TAOK3: variants seen among roughly 807,000 people sequenced by gnomAD.
TAOK3 encodes the protein TAO kinase 3.
TAOK3 carries 40 observed loss-of-function variants against 120.4 expected under a neutral mutation model. The observed-to-expected ratio is 0.33, with a 90% CI of 0.26 to 0.43. TAOK3 has a LOEUF of 0.43. Ranked by LOEUF, TAOK3 falls within the 20% of genes least tolerant of loss-of-function variation. The pLI, the probability that TAOK3 is intolerant of heterozygous loss-of-function variation, is 1.00. For missense variants in TAOK3, 821 were observed against 1,112.1 expected, an observed-to-expected ratio of 0.74 and a Z score of 3.72; for synonymous variants, 355 against 387.5, an observed-to-expected ratio of 0.92 and a Z score of 0.99.
intron 17 of TAOK3, among the ~76,000 whole-genome samples, chr12:118,168,957 TTTCCTTCCTTCCTTCCTTCC>T (rs150570843): frequency 9.7e-4 from 144 of 147,776 alleles, no homozygotes; most frequent in Admixed American, 2.9e-3. Context: ...GCTTGCTTGC[TTTCCTTCCTTCCTTCCTTCC>T]TTCCTTCCTT....
At chr12:118,274,055 T>C (rs2041820858) in intron 1 of TAOK3, among the ~76,000 whole-genome samples, 1 of 151,992 alleles carries the variant, frequency 6.6e-6, no homozygotes. Flanking sequence ...ACTAGTCGAG[T>C]ATTTGGTTTC....
chr12:118,202,941 G>A (rs545939619), intron 11 of TAOK3, among the ~76,000 whole-genome samples: 81 of 151,746 alleles, frequency 5.3e-4, no homozygotes, highest in Non-Finnish European at 1.0e-3. Context: ...CACCATGCCT[G>A]GCTAATTTTT....
intron 1 of TAOK3, among the ~76,000 whole-genome samples, chr12:118,333,087 GA>G (rs2044219684): frequency 6.6e-6 from 1 of 152,010 alleles, no homozygotes; most frequent in South Asian, 2.1e-4. Flanking sequence ...TTACTAGACA[GA>G]AAATTAACAA....
chr12:118,274,417 C>A (rs148007175), intron 1 of TAOK3, among the ~76,000 whole-genome samples: 122 of 152,208 alleles, frequency 8.0e-4, no homozygotes, highest in African/African-American at 2.8e-3. Flanking sequence ...CAATGATAAC[C>A]TTTAGACTAC....
At chr12:118,206,006 A>G (rs1390917593) in intron 11 of TAOK3, among the ~76,000 whole-genome samples, 1 of 151,754 alleles carries the variant, frequency 6.6e-6, no homozygotes, top group Non-Finnish European at 1.5e-5. Flanking sequence ...GTTACAGATC[A>G]CTAAGTGACT....
rs990336872 is a variant in TAOK3, at chr12:118,151,297, A to G, written c.2536-139T>C. On this transcript the variant is annotated intron_variant, in intron 20 of 20. Coordinates refer to ENST00000392533, the MANE Select transcript of TAOK3 (RefSeq NM_016281.4). ...ATGAAGTGCGCGCGCGCGCACACAC[A>G]CACACACACACACACACACACAGGA... 240 of 474,106 alleles carry G rather than the reference A, an allele frequency of 5.1e-4. 2 individuals carry two copies. The Middle Eastern group carries it at 0.011, about 21-fold the overall frequency. 29.4% of individuals were successfully genotyped at this position (474,106 alleles called of 1,614,324 possible).
chr12:118,163,078 T>C (rs1457387631), intron 17 of TAOK3, among the ~76,000 whole-genome samples: 4 of 152,210 alleles, frequency 2.6e-5, no homozygotes, highest in Non-Finnish European at 4.4e-5. Flanking sequence ...GGTCAATTTA[T>C]TTTCTCTACT....
At chr12:118,217,820 T>C (rs1332618571) in intron 9 of TAOK3, among the ~76,000 whole-genome samples, 9 of 45,000 alleles carry the variant, frequency 2.0e-4, no homozygotes, top group Non-Finnish European at 3.1e-4. Flanking sequence ...TGTATACATA[T>C]ATATATATAT....
At chr12:118,300,885 C>T (rs2140692752) in intron 1 of TAOK3, among the ~76,000 whole-genome samples, 1 of 152,220 alleles carries the variant, frequency 6.6e-6, no homozygotes, top group African/African-American at 2.4e-5. Flanking sequence ...AAGCGATTCT[C>T]CTGCCTCAGA....
intron 1 of TAOK3, among the ~76,000 whole-genome samples, chr12:118,335,807 C>T (rs561207555): frequency 1.2e-4 from 18 of 152,136 alleles, no homozygotes; most frequent in African/African-American, 2.2e-4. Flanking sequence ...CCAGTCTGGG[C>T]GACAGAGTGA....
At chr12:118,359,139 CT>C (rs1244147176) in intron 1 of TAOK3, 4 of 152,144 alleles carry the variant, frequency 2.6e-5, no homozygotes, top group Non-Finnish European at 5.9e-5. Context: ...ATTACAGACA[CT>C]TAGTTTTTTA....
intron 13 of TAOK3, among the ~76,000 whole-genome samples, chr12:118,196,094 T>A (rs143899883): frequency 7.7e-4 from 113 of 146,076 alleles, no homozygotes; most frequent in African/African-American, 2.6e-3. Context: ...AATAAATAAA[T>A]AAAAGGAAGT....
At chr12:118,198,860 A>G in intron 13 of TAOK3, 191 bp downstream of exon 13, 1 of 597,298 alleles carries the variant, frequency 1.7e-6, no homozygotes, top group East Asian at 2.9e-5. Context: ...AGGGAGATGA[A>G]GAAATAGGCA....
chr12:118,285,945 G>C (rs952958356), intron 1 of TAOK3, among the ~76,000 whole-genome samples: 1 of 152,196 alleles, frequency 6.6e-6, no homozygotes, highest in Non-Finnish European at 1.5e-5. Flanking sequence ...CGGGAAGGTG[G>C]CTTCCAGGTC....
chr12:118,296,414 G>A (rs1047123203), intron 1 of TAOK3, among the ~76,000 whole-genome samples: 4 of 152,162 alleles, frequency 2.6e-5, no homozygotes, highest in South Asian at 2.1e-4. Flanking sequence ...GATTATAGGC[G>A]TGAGCCACTA....
At chr12:118,166,266 C>T (rs1210723869) in intron 17 of TAOK3, among the ~76,000 whole-genome samples, 3 of 152,114 alleles carry the variant, frequency 2.0e-5, no homozygotes, top group East Asian at 1.9e-4. Context: ...AGGCCAGACG[C>T]GGTGGCTCAT....
chr12:118,278,773 C>G (rs773176970), intron 1 of TAOK3, among the ~76,000 whole-genome samples: 9 of 152,070 alleles, frequency 5.9e-5, no homozygotes, highest in African/African-American at 9.7e-5. Context: ...TAAAAATGTT[C>G]CATTTTTTCT....
chr12:118,190,000 C>A, intron 13 of TAOK3, 59 bp from the exon 14 acceptor site: 1 of 1,600,082 alleles, frequency 6.2e-7, no homozygotes, highest in Non-Finnish European at 8.5e-7. Flanking sequence ...TCGCCGGCTG[C>A]CTCTCTCTCA....
At chr12:118,250,088 AC>A (rs1291596150) in intron 3 of TAOK3, among the ~76,000 whole-genome samples, 1 of 151,922 alleles carries the variant, frequency 6.6e-6, no homozygotes, top group Non-Finnish European at 1.5e-5. Flanking sequence ...ACAGTTTCTT[AC>A]TACCTCATTT....
Sources: gnomAD v4.1 joint callset for allele counts (sites outside exome capture counted in the v4.1 genomes callset) on GRCh38, gnomAD v4.1.1 for gene constraint, MANE v1.5 for transcripts, NCBI Gene and HGNC (gene_info 2026-07-23, HGNC 2026-07-21) for gene names.